The following TBC1D9 variants were observed in gnomAD, a reference collection of about 807,000 sequenced individuals.
TBC1D9 encodes TBC1 domain family member 9.
Under a neutral mutation model 132.0 loss-of-function variants are expected in TBC1D9, and 63 were observed. The ratio of observed to expected loss-of-function variants is 0.48; its 90% CI spans 0.39 to 0.59. The LOEUF (loss-of-function observed/expected upper bound fraction) is 0.59, where lower values mean the gene tolerates loss of function less well. Ranked by LOEUF, TBC1D9 falls within the 20% of genes least tolerant of loss-of-function variation. The pLI is 0.00. For synonymous variants in TBC1D9, 610 were observed against 609.9 expected (o/e 1.00, Z 0.00); for missense variants, 1,261 against 1,592.7 (o/e 0.79, Z 3.54).
In TBC1D9 at chr4:140,706,117, C is replaced by A. The variant is rs1738146512; in HGVS notation, c.131-4503G>T. ...GCAGGTCCACAGTGCTGCAGAGAAACCCCCGTCAGCCCTCTGCAGGCCGGG... is the reference window on the plus strand; with the variant it reads ...GCAGGTCCACAGTGCTGCAGAGAAAACCCCGTCAGCCCTCTGCAGGCCGGG... On this transcript the variant is annotated intron_variant, in intron 1 of 20. Coordinates refer to ENST00000442267, the MANE Select transcript of TBC1D9 (RefSeq NM_015130.3). The surrounding 1 kb of genome is among the most constrained non-coding windows in gnomAD (Gnocchi z 4.0). Among the ~76,000 whole-genome samples the A allele has an allele frequency of 6.6e-6, 1 of 152,210 alleles. No homozygotes were observed. Among genetic ancestry groups the A allele is most frequent in the Non-Finnish European group, 1.5e-5 (1 of 68,044 alleles).
At chr4:140,645,537 C>G in intron 13 of TBC1D9, 1 of 315,474 alleles carries the variant, frequency 3.2e-6, no homozygotes, top group Non-Finnish European at 6.2e-6. Context: ...CCTCTATATA[C>G]ATCTCCGCAC....
Position 140,622,350 on chromosome 4 carries a change from A to G in TBC1D9, c.3646T>C (p.Phe1216Leu). ...GGCTCAGTTAAGAGGGAGGCCAGGA[A>G]CTGCTCGAAGGTGATGGCCCAGTCC... Reference protein sequence around the residue: ...DRDWAITFEQFLASLLTEPAL... With the variant: ...DRDWAITFEQLLASLLTEPAL... Residue 1216 changes from phenylalanine (F) to leucine (L), a missense_variant, in exon 21 of 21, where the codon TTC becomes CTC. By Grantham distance (22) the Phe-to-Leu change is conservative. Around this residue, in one of 3 missense-constraint regions of TBC1D9, gnomAD observed 618 missense variants for 724.4 expected, o/e 0.85. Coordinates refer to ENST00000442267, the MANE Select transcript of TBC1D9 (RefSeq NM_015130.3). 1.2e-6 allele frequency: 2 copies of G among 1,613,686 alleles called. No individual in the cohort carries two copies. The highest frequency in any genetic ancestry group is 1.7e-6 in the Non-Finnish European group (2 of 1,179,616).
intron 16 of TBC1D9, among the ~76,000 whole-genome samples, chr4:140,633,122 T>C (rs1736824221): frequency 6.6e-6 from 1 of 152,242 alleles, no homozygotes; most frequent in Admixed American, 6.5e-5. Flanking sequence ...AGACGTTCTT[T>C]AGAAATGCTG....
At chr4:140,697,444 T>C (rs1055130032) in intron 2 of TBC1D9, among the ~76,000 whole-genome samples, 1 of 152,170 alleles carries the variant, frequency 6.6e-6, no homozygotes, top group Admixed American at 6.5e-5. Context: ...ACAACGCCTG[T>C]CACTTCCTTC....
chr4:140,681,690 T>C (rs1047603313), intron 3 of TBC1D9, among the ~76,000 whole-genome samples: 1 of 152,206 alleles, frequency 6.6e-6, no homozygotes, highest in Non-Finnish European at 1.5e-5. Flanking sequence ...TTACTTCACA[T>C]GGCCACTTTC....
intron 13 of TBC1D9, chr4:140,642,340 TG>T: frequency 1.2e-6 from 1 of 806,748 alleles, no homozygotes. Flanking sequence ...CCTATCTTCC[TG>T]GCTTTGGCGG....
Position 140,634,127 on chromosome 4 carries a change from GGGTCATGCC to G in TBC1D9, c.2558_2566del (p.Arg853_Asp855del). ...ATACTGTTCCAGGTAGGGCAGGCTGGGGTCATGCCGGTCCAGCGCGTTGCTGCTCCCGCC... is the reference window on the plus strand; with the variant it reads ...ATACTGTTCCAGGTAGGGCAGGCTGGGGTCCAGCGCGTTGCTGCTCCCGCC... On this transcript the variant is annotated inframe_deletion, in exon 16 of 21. Transcript: ENST00000442267. 1 of 1,613,950 alleles carries G rather than the reference GGGTCATGCC, an allele frequency of 6.2e-7. No individual in the cohort carries two copies. Among genetic ancestry groups the G allele is most frequent in the Non-Finnish European group, 8.5e-7 (1 of 1,179,904 alleles).
In TBC1D9 at chr4:140,622,809, T is replaced by C. The variant is rs774930950; in HGVS notation, c.3187A>G (p.Ile1063Val). 6.2e-7 allele frequency: 1 copy of C among 1,601,516 alleles called. No homozygotes were observed. Among genetic ancestry groups the C allele is most frequent in the East Asian group, 2.2e-5 (1 of 44,722 alleles). The change falls in exon 21 of 21, where the codon ATT becomes GTT. Residue 1063 changes from isoleucine (I) to valine (V), a missense_variant. Physicochemically the swap from Ile to Val is conservative, Grantham distance 29. Around this residue, in one of 3 missense-constraint regions of TBC1D9, gnomAD observed 618 missense variants for 724.4 expected, o/e 0.85. Transcript: ENST00000442267. ...TAAVTSLLLEIGEVGKLFVAQ... is the reference protein window; with the variant it reads ...TAAVTSLLLEVGEVGKLFVAQ... ...ACGAACAACTTGCCGACCTCCCCAATCTCCAGCAGGAGGCTGGTCACTGCT... is the reference window on the plus strand; with the variant it reads ...ACGAACAACTTGCCGACCTCCCCAACCTCCAGCAGGAGGCTGGTCACTGCT...
rs1382065560 is a variant in TBC1D9, at chr4:140,628,343, G to C, written c.2769C>G (p.Leu923=). The C allele has an allele frequency of 2.5e-6, 4 of 1,613,922 alleles. No individual in the cohort carries two copies. The Admixed American group carries it at 6.7e-5, about 27-fold the overall frequency. Residue 923 remains leucine (L), a synonymous_variant, in exon 17 of 21, where the codon CTC becomes CTG. Coordinates refer to ENST00000442267, the MANE Select transcript of TBC1D9 (RefSeq NM_015130.3). Reference sequence around the variant, plus strand: ...TGTACAGGAGTTTGAGCTTCTCTGTGAGGTCCCCATGGCATGCAGCACCTA... The same window carrying C: ...TGTACAGGAGTTTGAGCTTCTCTGTCAGGTCCCCATGGCATGCAGCACCTA... ...SGLSAACHGD[L]TEKLKLLYKM...
chr4:140,700,180 T>TG (rs770108189), intron 2 of TBC1D9, among the ~76,000 whole-genome samples: 12 of 151,814 alleles, frequency 7.9e-5, no homozygotes, highest in Middle Eastern at 3.4e-3. Flanking sequence ...CCAGGCGCAG[T>TG]GGTTCATGCC....
At chr4:140,674,868 T>G (rs7682056) in intron 6 of TBC1D9, among the ~76,000 whole-genome samples, 69,240 of 151,374 alleles carry the variant, frequency 0.46, 16,028 homozygotes, top group South Asian at 0.55. Context: ...CCAGCTAATT[T>G]TTTTAAATTT....
At position 140,634,102 on chromosome 4, in the gene TBC1D9, A is replaced by G. The variant is rs1736838764; in HGVS notation, c.2592T>C (p.Tyr864=). Residue 864 remains tyrosine, a synonymous_variant, in exon 16 of 21, where the codon TAT becomes TAC. Transcript: ENST00000442267. ...HDPSLPYLEQ[Y]RIDFEQFKGM... Reference sequence around the variant, plus strand: ...CCTTGAACTGCTCGAAGTCAATGCGATACTGTTCCAGGTAGGGCAGGCTGG... The same window carrying G: ...CCTTGAACTGCTCGAAGTCAATGCGGTACTGTTCCAGGTAGGGCAGGCTGG... The G allele has an allele frequency of 7.4e-6, 12 of 1,614,016 alleles. No homozygotes were observed. Among genetic ancestry groups the G allele is most frequent in the South Asian group, 5.5e-5 (5 of 91,088 alleles).
In TBC1D9 at chr4:140,622,125, A is replaced by C. The variant is rs1056883317; in HGVS notation, c.*70T>G. On this transcript the variant is annotated 3_prime_UTR_variant, in exon 21 of 21. Coordinates refer to ENST00000442267, the MANE Select transcript of TBC1D9 (RefSeq NM_015130.3). ...TTAATTTAAAAGAAAGAAAGAAAAA[A>C]CTCAACACAGAAGAACATAAAAAAT... The C allele has an allele frequency of 2.7e-6, 4 of 1,490,592 alleles. No individual in the cohort carries two copies. The African/African-American group carries it at 5.6e-5, about 21-fold the overall frequency. The allele number at this position is 1,490,592 out of a possible 1,614,324, so 92.3% of individuals were successfully genotyped here. A position where few individuals can be genotyped will look rare whatever the true frequency, so the allele number is the denominator to read the frequency against.
At chr4:140,635,131 T>C (rs1277427197) in intron 15 of TBC1D9, among the ~76,000 whole-genome samples, 1 of 152,126 alleles carries the variant, frequency 6.6e-6, no homozygotes, top group East Asian at 1.9e-4. Flanking sequence ...TTTTTCCATA[T>C]TGTATTGTCT....
intron 1 of TBC1D9, among the ~76,000 whole-genome samples, chr4:140,733,694 T>C (rs1738633216): frequency 6.6e-6 from 1 of 152,206 alleles, no homozygotes; most frequent in South Asian, 2.1e-4. Context: ...ACAGGGTATA[T>C]GGAATCTAAA....
intron 2 of TBC1D9, among the ~76,000 whole-genome samples, chr4:140,695,598 T>A (rs780085099): frequency 6.6e-6 from 1 of 152,204 alleles, no homozygotes; most frequent in Non-Finnish European, 1.5e-5. Flanking sequence ...TTAGATCATA[T>A]CCTTGGAATT....
chr4:140,687,342 T>TGTGTTATA (rs1560885798), intron 2 of TBC1D9, among the ~76,000 whole-genome samples: 7 of 54,518 alleles, frequency 1.3e-4, no homozygotes, highest in Admixed American at 2.3e-4. Context: ...TGTGTGTGTG[T>TGTGTTATA]CATATATATA....
At chr4:140,704,728 C>T (rs1204087530) in intron 1 of TBC1D9, among the ~76,000 whole-genome samples, 2 of 152,144 alleles carry the variant, frequency 1.3e-5, no homozygotes, top group African/African-American at 4.8e-5. Flanking sequence ...TCTCCACCAC[C>T]ACAATGTTCC....
chr4:140,752,814 G>A (rs910522788), intron 1 of TBC1D9, among the ~76,000 whole-genome samples: 2 of 152,066 alleles, frequency 1.3e-5, no homozygotes, highest in African/African-American at 4.8e-5. Flanking sequence ...GTTTTTTATA[G>A]CTTTCTGTGC....
Sources: gnomAD v4.1 joint callset for allele counts (sites outside exome capture counted in the v4.1 genomes callset) on GRCh38, gnomAD v4.1.1 for gene constraint, gnomAD v4.1.1 regional missense constraint, Gnocchi (gnomAD v3.1) non-coding constraint, MANE v1.5 for transcripts, NCBI Gene and HGNC (gene_info 2026-07-23, HGNC 2026-07-21) for gene names.